GPR158: variants seen among roughly 807,000 people sequenced by gnomAD.
GPR158 encodes the protein G protein-coupled receptor 158, also known as metabotropic glycine receptor.
In GPR158, 30 loss-of-function variants were observed where a neutral mutation model predicts 78.2. The ratio of observed to expected loss-of-function variants is 0.38; its 90% CI spans 0.29 to 0.52. The LOEUF is 0.52. Among genes scored for constraint, GPR158 ranks in the 20% least tolerant of loss-of-function variants. The probability of loss-of-function intolerance (pLI) is 0.83; values close to 1 mark genes in which losing one functional copy is unlikely to be tolerated. For missense variants in GPR158, 1,463 were observed against 1,523.5 expected, an observed-to-expected ratio of 0.96 and a Z score of 0.66; for synonymous variants, 581 against 591.1, an observed-to-expected ratio of 0.98 and a Z score of 0.25.
At chr10:25,274,589 C>T (rs1194382290) in intron 2 of GPR158, among the ~76,000 whole-genome samples, 1 of 152,082 alleles carries the variant, frequency 6.6e-6, no homozygotes, top group Non-Finnish European at 1.5e-5. Context: ...TGATCCACTT[C>T]CAAGGTATAT....
At chr10:25,390,736 A>G (rs989606214) in intron 2 of GPR158, among the ~76,000 whole-genome samples, 1 of 152,194 alleles carries the variant, frequency 6.6e-6, no homozygotes, top group Non-Finnish European at 1.5e-5. Context: ...AAAAAGAAAA[A>G]CCCATTTTCT....
intron 6 of GPR158, 55 bp from the exon 7 acceptor site, chr10:25,572,594 G>A (rs1837022861): frequency 1.8e-6 from 2 of 1,102,058 alleles, no homozygotes; most frequent in Non-Finnish European, 2.8e-6. Flanking sequence ...TTATTTTAGA[G>A]TTATACTTTC....
At chr10:25,459,107 G>A (rs573177383) in intron 4 of GPR158, among the ~76,000 whole-genome samples, 2 of 152,142 alleles carry the variant, frequency 1.3e-5, no homozygotes, top group South Asian at 2.1e-4. Context: ...ACCTCTCAAT[G>A]TTAAGATTCT....
At chr10:25,541,715 C>T (rs1476543201) in intron 5 of GPR158, among the ~76,000 whole-genome samples, 1 of 151,756 alleles carries the variant, frequency 6.6e-6, no homozygotes, top group Non-Finnish European at 1.5e-5. Flanking sequence ...TCATTTCCAG[C>T]CTCCTACTTC....
chr10:25,340,982 G>A (rs978147888), intron 2 of GPR158, among the ~76,000 whole-genome samples: 1 of 151,990 alleles, frequency 6.6e-6, no homozygotes. Context: ...ACAAAGAAAT[G>A]TTTTAGGAGC....
chr10:25,550,655 G>T (rs1370998074), intron 5 of GPR158, among the ~76,000 whole-genome samples: 1 of 152,026 alleles, frequency 6.6e-6, no homozygotes, highest in Admixed American at 6.6e-5. Flanking sequence ...TAACATGCAG[G>T]TTTGTTACAT....
chr10:25,355,668 A>G (rs533168231), intron 2 of GPR158, among the ~76,000 whole-genome samples: 2 of 152,124 alleles, frequency 1.3e-5, no homozygotes, highest in African/African-American at 2.4e-5. Flanking sequence ...TTGCTTAAAG[A>G]TTCTTTGTAA....
intron 9 of GPR158, among the ~76,000 whole-genome samples, chr10:25,595,949 A>G (rs115087439): frequency 0.016 from 2,375 of 152,310 alleles, 42 homozygotes; most frequent in African/African-American, 0.054. Flanking sequence ...ATTGCTAGGC[A>G]TTGTTATATA....
At chr10:25,514,681 C>T (rs1290469149) in intron 5 of GPR158, among the ~76,000 whole-genome samples, 2 of 152,094 alleles carry the variant, frequency 1.3e-5, no homozygotes, top group Non-Finnish European at 2.9e-5. Context: ...ATTTAGAGCT[C>T]CTTTTAGCAG....
intron 3 of GPR158, among the ~76,000 whole-genome samples, chr10:25,404,323 T>C (rs926341813): frequency 2.6e-5 from 4 of 152,202 alleles, no homozygotes; most frequent in Admixed American, 6.6e-5. Flanking sequence ...AATACATTGT[T>C]AAAGAGGCAG....
chr10:25,474,318 A>G (rs905938703), intron 5 of GPR158, among the ~76,000 whole-genome samples: 4 of 152,110 alleles, frequency 2.6e-5, no homozygotes, highest in African/African-American at 4.8e-5. Context: ...AGTTTACGAC[A>G]CTATTTATAG....
intron 1 of GPR158, among the ~76,000 whole-genome samples, chr10:25,189,819 A>T (rs1328718259): frequency 2.7e-5 from 4 of 147,606 alleles, no homozygotes; most frequent in Admixed American, 2.0e-4. Flanking sequence ...AAAAAAAGAG[A>T]AAAGAAAGGA....
chr10:25,315,792 C>A (rs1458892480), intron 2 of GPR158, among the ~76,000 whole-genome samples: 2 of 151,890 alleles, frequency 1.3e-5, no homozygotes, highest in Non-Finnish European at 2.9e-5. Context: ...TACCTTTAGA[C>A]CCTGTTGTTA....
chr10:25,497,607 T>C (rs543972985), intron 5 of GPR158, among the ~76,000 whole-genome samples: 1 of 152,302 alleles, frequency 6.6e-6, no homozygotes, highest in East Asian at 1.9e-4. Context: ...GTCTCTATTC[T>C]CGGTATTTAG....
intron 4 of GPR158, among the ~76,000 whole-genome samples, chr10:25,443,637 C>T (rs943251625): frequency 1.3e-5 from 2 of 149,276 alleles, no homozygotes; most frequent in Admixed American, 6.7e-5. Context: ...AAACTCCTGA[C>T]CTCAAGCGAT....
intron 7 of GPR158, among the ~76,000 whole-genome samples, chr10:25,574,462 T>C (rs1328347094): frequency 1.3e-5 from 2 of 152,184 alleles, no homozygotes; most frequent in Non-Finnish European, 2.9e-5. Context: ...AGATTCTTGG[T>C]GCAGTAGTAG....
At chr10:25,573,434 A>C (rs1021974723) in intron 7 of GPR158, among the ~76,000 whole-genome samples, 3 of 152,256 alleles carry the variant, frequency 2.0e-5, no homozygotes, top group African/African-American at 7.2e-5. Flanking sequence ...CACAAAGACT[A>C]AGCCATGCTC....
rs746839641 is a variant in GPR158 at position 25,175,381 on chromosome 10, C to G, written c.-40C>G. 8 of 998,446 alleles carry G rather than the reference C, an allele frequency of 8.0e-6. No homozygotes were observed. The African/African-American group carries it at 1.6e-4, about 21-fold the overall frequency. The allele number at this position is 998,446 out of a possible 1,614,324, so 61.8% of individuals were successfully genotyped here. A position where few individuals can be genotyped will look rare whatever the true frequency, so the allele number is the denominator to read the frequency against. ...GACGATCCAAATTTAAAAAGTGATT[C>G]CCCCCCCTCCCGTTCCCTCCTCTTC... On this transcript the variant is annotated 5_prime_UTR_variant, in exon 1 of 11. Transcript: ENST00000376351. The surrounding 1 kb of genome is among the most constrained non-coding windows in gnomAD (Gnocchi z 6.4).
intron 1 of GPR158, among the ~76,000 whole-genome samples, chr10:25,184,338 A>G (rs1367083933): frequency 6.6e-6 from 1 of 152,174 alleles, no homozygotes; most frequent in Non-Finnish European, 1.5e-5. Flanking sequence ...GTACAGGCAC[A>G]TGCCACCATG....
Sources: gnomAD v4.1 joint callset for allele counts (sites outside exome capture counted in the v4.1 genomes callset) on GRCh38, gnomAD v4.1.1 for gene constraint, Gnocchi (gnomAD v3.1) non-coding constraint, MANE v1.5 for transcripts, NCBI Gene and HGNC (gene_info 2026-07-23, HGNC 2026-07-21) for gene names.